The following TNRC18 variants were observed in gnomAD, a reference collection of about 807,000 sequenced individuals.
The protein encoded by TNRC18 is trinucleotide repeat-containing gene 18 protein.
Under a neutral mutation model 226.7 loss-of-function variants are expected in TNRC18, and 69 were observed. That is an observed-to-expected ratio of 0.30 (90% CI 0.25 to 0.37). TNRC18 has a LOEUF of 0.37. Ranked by LOEUF, TNRC18 falls within the 10% of genes least tolerant of loss-of-function variation. The pLI is 1.00. For synonymous variants in TNRC18, 2,449 were observed against 1,927.6 expected, an observed-to-expected ratio of 1.27 and a Z score of -7.09; for missense variants, 4,754 against 4,256.6, an observed-to-expected ratio of 1.12 and a Z score of -3.25.
At chr7:5,363,746 G>A (rs1793324999) in intron 11 of TNRC18, among the ~76,000 whole-genome samples, 2 of 152,126 alleles carry the variant, frequency 1.3e-5, no homozygotes, top group Admixed American at 1.3e-4. Flanking sequence ...CTTTCCAGCA[G>A]TACGGCTCTC....
intron 27 of TNRC18, among the ~76,000 whole-genome samples, chr7:5,310,939 T>C (rs1315483476): frequency 6.6e-6 from 1 of 151,808 alleles, no homozygotes; most frequent in African/African-American, 2.4e-5. Context: ...TGTTCGTGTG[T>C]GCACGTGTTT....
chr7:5,326,764 G>A (rs1252852628), intron 19 of TNRC18, among the ~76,000 whole-genome samples: 8 of 150,304 alleles, frequency 5.3e-5, no homozygotes, highest in East Asian at 4.0e-4. Context: ...CCGAGATCGC[G>A]CCACCACACT....
intron 18 of TNRC18, among the ~76,000 whole-genome samples, chr7:5,337,835 T>C (rs1007650617): frequency 6.6e-6 from 1 of 151,818 alleles, no homozygotes; most frequent in African/African-American, 2.4e-5. Context: ...ATACAAAAAT[T>C]AGCCAGGCGA....
Position 5,370,579 on chromosome 7 carries a change from G to C in TNRC18, c.4015C>G (p.Leu1339Val). Residue 1339 changes from leucine (L) to valine (V), a missense_variant, in exon 11 of 30, where the codon CTG becomes GTG. Leu to Val is a conservative substitution (Grantham distance 32). Transcript: ENST00000430969. Reference protein sequence around the residue: ...DQFLPSLEDPLAGMNALAAAA... With the variant: ...DQFLPSLEDPVAGMNALAAAA... ...GCCGCCAGGGCGTTCATGCCAGCCA[G>C]TGGGTCCTCCAGACTGGGCAGGAAC... The C allele has an allele frequency of 1.2e-6, 2 of 1,613,126 alleles. No homozygotes were observed. The highest frequency in any genetic ancestry group is 1.7e-6 in the Non-Finnish European group (2 of 1,179,650).
Position 5,358,516 on chromosome 7 carries a change from A to T in TNRC18, c.4833+882T>A, listed in dbSNP as rs546761895. Among the ~76,000 whole-genome samples, 3 of 152,274 alleles carry T rather than the reference A, an allele frequency of 2.0e-5. No individual in the cohort carries two copies. The East Asian group carries it at 5.8e-4, about 29-fold the overall frequency. ...TGAGCCTGCCCCTCTCAGCCAAGTC[A>T]ACCAAAATACCCCTCAGCTGGGTGC... On this transcript the variant is annotated intron_variant, in intron 15 of 29. Coordinates refer to ENST00000430969, the MANE Select transcript of TNRC18 (RefSeq NM_001080495.3).
At chr7:5,402,646 G>C (rs1257572836) in intron 2 of TNRC18, among the ~76,000 whole-genome samples, 1 of 152,118 alleles carries the variant, frequency 6.6e-6, no homozygotes, top group Non-Finnish European at 1.5e-5. Flanking sequence ...CTGAGGTCAA[G>C]AGTTCAAGAC....
intron 27 of TNRC18, among the ~76,000 whole-genome samples, chr7:5,311,383 C>G (rs1171548139): frequency 6.6e-6 from 1 of 152,240 alleles, no homozygotes; most frequent in Non-Finnish European, 1.5e-5. Context: ...TTGATTCACT[C>G]AGGGGTGGGC....
intron 18 of TNRC18, among the ~76,000 whole-genome samples, chr7:5,339,226 TTTC>T (rs1790427153): frequency 7.6e-6 from 1 of 132,044 alleles, no homozygotes; most frequent in African/African-American, 2.5e-5. Context: ...TTTCTTTTTT[TTTC>T]TTTTTTTTTT....
intron 17 of TNRC18, among the ~76,000 whole-genome samples, chr7:5,351,459 G>A (rs1297993100): frequency 6.6e-6 from 1 of 151,364 alleles, no homozygotes; most frequent in Non-Finnish European, 1.5e-5. Context: ...GGGGTCTCTG[G>A]GTGGGCAGAA....
In TNRC18 at chr7:5,307,623, G is replaced by T. The variant is rs904751077; in HGVS notation, c.*483C>A. On this transcript the variant is annotated 3_prime_UTR_variant, in exon 30 of 30. Transcript: ENST00000430969. ...CAGGTAGGCCAGCTGGCATCGGGCT[G>T]CCCTGTCCCATGCACGGTGGGAGGC... The T allele has an allele frequency of 3.2e-5, 14 of 432,634 alleles. No homozygotes were observed. The highest frequency in any genetic ancestry group is 6.1e-5 in the Non-Finnish European group (13 of 214,868). The allele number at this position is 432,634 out of a possible 1,614,324, so 26.8% of individuals were successfully genotyped here.
In TNRC18 at chr7:5,371,361, A is replaced by AC; in HGVS notation, c.3232_3233insG (p.Ile1078SerfsTer36). 6.6e-7 allele frequency: 1 copy of AC among 1,507,160 alleles called. No individual in the cohort carries two copies. Among genetic ancestry groups the AC allele is most frequent in the Non-Finnish European group, 8.8e-7 (1 of 1,134,438 alleles). The allele number at this position is 1,507,160 out of a possible 1,614,324, so 93.4% of individuals were successfully genotyped here. A position where few individuals can be genotyped will look rare whatever the true frequency, so the allele number is the denominator to read the frequency against. On this transcript the variant is annotated frameshift_variant, in exon 11 of 30. Transcript: ENST00000430969. LOFTEE classifies it high-confidence loss of function. ...GGCTTGGAACGGGTACCTGGGCGGG[A>AC]TATCTGCCAAGGACACAGGGGTCAG...
In TNRC18 at chr7:5,377,566, C is replaced by G; in HGVS notation, c.2266G>C (p.Glu756Gln). The G allele has an allele frequency of 6.3e-7, 1 of 1,580,758 alleles. No individual in the cohort carries two copies. Among genetic ancestry groups the G allele is most frequent in the Non-Finnish European group, 8.6e-7 (1 of 1,163,692 alleles). Residue 756 changes from glutamate (E) to glutamine (Q), a missense_variant, in exon 7 of 30, where the codon GAG becomes CAG. Physicochemically the swap from Glu to Gln is conservative, Grantham distance 29. Transcript: ENST00000430969. The surrounding 1 kb of genome is among the most constrained non-coding windows in gnomAD (Gnocchi z 5.8). ...TGCAGGCGGGCCAGGTCAGCCAGCT[C>G]CTTACTCTCTCTGGAAGGAGGATCA... is the stretch of plus-strand genomic sequence containing the variant. ...DQEKLLRESK[E>Q]LADLARLHPT... is the part of the protein sequence containing the mutation.
rs202246986 is a variant in TNRC18, at chr7:5,376,031, T to C, written c.2799+3A>G. On this transcript the variant is annotated splice_donor_region_variant and intron_variant, in intron 9 of 29. Coordinates refer to ENST00000430969, the MANE Select transcript of TNRC18 (RefSeq NM_001080495.3). Reference sequence around the variant, plus strand: ...GAGCTGCGCCTCATCCTCCCCGACTTACCACGAGCTGGGCGCTCCTCTGCA... The same window carrying C: ...GAGCTGCGCCTCATCCTCCCCGACTCACCACGAGCTGGGCGCTCCTCTGCA... The C allele has an allele frequency of 2.0e-5, 31 of 1,588,952 alleles. No homozygotes were observed. In the East Asian group the frequency reaches 6.4e-4, roughly 33 times the overall value.
chr7:5,389,917 C>T, intron 4 of TNRC18: 1 of 59,912 alleles, frequency 1.7e-5, no homozygotes, highest in Non-Finnish European at 5.0e-5. Context: ...TCCCAAGCCT[C>T]AGTTTCCTCA....
chr7:5,330,311 C>A (rs1170371067), intron 19 of TNRC18, among the ~76,000 whole-genome samples: 1 of 152,098 alleles, frequency 6.6e-6, no homozygotes, highest in Non-Finnish European at 1.5e-5. Context: ...CTCACTGCAG[C>A]CTTCACCTCC....
Position 5,312,823 on chromosome 7 carries a change from T to C in TNRC18, c.8068A>G (p.Thr2690Ala). ...SSDDEAAPAPTAGPSAQAALP... is the reference protein window; with the variant it reads ...SSDDEAAPAPAAGPSAQAALP... ...GCCGCCTGCGCGGAAGGGCCAGCCG[T>C]GGGGGCGGGGGCTGCCTCATCGTCC... Residue 2690 changes from threonine to alanine, a missense_variant, in exon 27 of 30, where the codon ACG becomes GCG. Thr to Ala is a moderately conservative substitution (Grantham distance 58). Transcript: ENST00000430969. This position sits in a 1 kb window ranked among gnomAD's most constrained non-coding sequence, Gnocchi z 6.3. 2 of 1,529,148 alleles carry C rather than the reference T, an allele frequency of 1.3e-6. No homozygotes were observed. Among genetic ancestry groups the C allele is most frequent in the Non-Finnish European group, 1.8e-6 (2 of 1,141,196 alleles). The allele number at this position is 1,529,148 out of a possible 1,614,324, so 94.7% of individuals were successfully genotyped here.
Position 5,387,923 on chromosome 7 carries a change from T to C in TNRC18, c.1901A>G (p.Gln634Arg). 6.3e-7 allele frequency: 1 copy of C among 1,595,658 alleles called. No individual in the cohort carries two copies. Among genetic ancestry groups the C allele is most frequent in the Non-Finnish European group, 8.5e-7 (1 of 1,172,292 alleles). The change falls in exon 5 of 30, where the codon CAG becomes CGG. Residue 634 changes from glutamine (Q) to arginine (R), a missense_variant. Gln to Arg is a conservative substitution (Grantham distance 43). Coordinates refer to ENST00000430969, the MANE Select transcript of TNRC18 (RefSeq NM_001080495.3). ...APTSAGASRA[Q>R]ARLPHSGGPA... ...GCCTCCGGAGTGTGGGAGACGGGCC[T>C]GGGCTCGGGAGGCACCCGCAGAGGT...
At chr7:5,378,184 G>A (rs958225852) in intron 5 of TNRC18, among the ~76,000 whole-genome samples, 160 bp from the exon 6 acceptor site, 8 of 151,926 alleles carry the variant, frequency 5.3e-5, no homozygotes, top group African/African-American at 1.9e-4. Flanking sequence ...TCCTTATGAC[G>A]CATCAAGCTC....
chr7:5,405,429 T>C (rs559740355), intron 2 of TNRC18, among the ~76,000 whole-genome samples: 48 of 151,660 alleles, frequency 3.2e-4, no homozygotes, highest in Non-Finnish European at 6.6e-4. Context: ...ATTAGCCAAG[T>C]GTGGTGGTGC....
Sources: allele counts gnomAD v4.1 joint callset (sites outside exome capture counted in the v4.1 genomes callset), GRCh38; gene constraint gnomAD v4.1.1; non-coding constraint Gnocchi (gnomAD v3.1); transcripts MANE v1.5; gene names NCBI Gene and HGNC (gene_info 2026-07-23, HGNC 2026-07-21).